Variants in EYA1 observed in about 807,000 individuals in gnomAD.
EYA1 encodes EYA transcriptional coactivator and phosphatase 1.
Under a neutral mutation model 82.0 loss-of-function variants are expected in EYA1, and 16 were observed. The observed-to-expected ratio is 0.20, with a 90% CI of 0.13 to 0.30. The LOEUF (loss-of-function observed/expected upper bound fraction) is 0.30, where lower values mean the gene tolerates loss of function less well. Ranked by LOEUF, EYA1 falls within the 10% of genes least tolerant of loss-of-function variation. The pLI is 1.00. For missense variants in EYA1, 633 were observed against 730.7 expected, an observed-to-expected ratio of 0.87 and a Z score of 1.54; for synonymous variants, 261 against 264.4, an observed-to-expected ratio of 0.99 and a Z score of 0.12.
intron 12 of EYA1, among the ~76,000 whole-genome samples, chr8:71,231,837 A>C (rs1585894740): frequency 2.6e-5 from 4 of 152,282 alleles, no homozygotes; most frequent in Admixed American, 2.6e-4. Context: ...CAACATTTCC[A>C]AAATAGATTT....
intron 2 of EYA1, among the ~76,000 whole-genome samples, chr8:71,425,094 A>C (rs1249336633): frequency 2.3e-5 from 3 of 128,872 alleles, no homozygotes; most frequent in Admixed American, 8.2e-5. Context: ...CCCTGTCTCC[A>C]CTAAAAATAC....
intron 17 of EYA1, among the ~76,000 whole-genome samples, chr8:71,207,377 AGAAAG>A (rs1475177109): frequency 1.3e-5 from 2 of 152,214 alleles, no homozygotes; most frequent in African/African-American, 4.8e-5. Flanking sequence ...TTAGAAAATA[AGAAAG>A]GAATGTTCAA....
At chr8:71,392,430 T>C (rs1386829153) in intron 2 of EYA1, among the ~76,000 whole-genome samples, 2 of 152,172 alleles carry the variant, frequency 1.3e-5, no homozygotes, top group Non-Finnish European at 2.9e-5. Context: ...GGCTTACTCC[T>C]ATATAAGTTG....
chr8:71,233,946 G>A (rs1045300915), intron 12 of EYA1, among the ~76,000 whole-genome samples: 1 of 152,204 alleles, frequency 6.6e-6, no homozygotes, highest in African/African-American at 2.4e-5. Flanking sequence ...GACAAATCCT[G>A]ATTCCTGGCC....
chr8:71,394,972 C>A (rs544364371), intron 2 of EYA1, among the ~76,000 whole-genome samples: 1 of 152,206 alleles, frequency 6.6e-6, no homozygotes, highest in Non-Finnish European at 1.5e-5. Flanking sequence ...TTTCGTTGAG[C>A]AGTGGTTTGT....
chr8:71,495,289 C>G lies in EYA1; in HGVS notation c.33+40455G>C, dbSNP rs554148262. On this transcript the variant is annotated intron_variant, in intron 2 of 18. Transcript: ENST00000643681. The stretch of plus-strand genomic sequence containing the variant: ...CAGCAAATGAACTGTGGTAATAGTT[C>G]TAATTTGATGTGAAATTCATTTAGG... Among the ~76,000 whole-genome samples the G allele has an allele frequency of 7.9e-5, 12 of 152,266 alleles. No homozygotes were observed. In the South Asian group the frequency reaches 2.5e-3, roughly 32 times the overall value.
intron 2 of EYA1, among the ~76,000 whole-genome samples, chr8:71,487,308 A>C (rs548797099): frequency 2.0e-5 from 3 of 152,136 alleles, no homozygotes; most frequent in Non-Finnish European, 4.4e-5. Flanking sequence ...TCATCTGTAA[A>C]ATGAGGGGTT....
chr8:71,255,785 G>C (rs1240578629), intron 11 of EYA1, among the ~76,000 whole-genome samples: 1 of 152,004 alleles, frequency 6.6e-6, no homozygotes, highest in Admixed American at 6.5e-5. Context: ...GAAAAGGCAG[G>C]CCACGGAATG....
At chr8:71,341,815 G>T (rs977543615) in intron 3 of EYA1, among the ~76,000 whole-genome samples, 7 of 152,128 alleles carry the variant, frequency 4.6e-5, no homozygotes, top group Non-Finnish European at 8.8e-5. Flanking sequence ...AACACATCCA[G>T]ACTAAACTTG....
At chr8:71,376,912 G>A (rs1162045490) in intron 2 of EYA1, among the ~76,000 whole-genome samples, 4 of 151,970 alleles carry the variant, frequency 2.6e-5, no homozygotes, top group African/African-American at 9.7e-5. Flanking sequence ...AGAAGCCTCC[G>A]TTCTGTCATT....
chr8:71,276,058 T>G (rs1189160098), intron 9 of EYA1, among the ~76,000 whole-genome samples: 2 of 152,242 alleles, frequency 1.3e-5, no homozygotes, highest in African/African-American at 4.8e-5. Flanking sequence ...AAGATACAGA[T>G]TTTGCATCAG....
At chr8:71,241,146 C>T (rs1812439809) in intron 12 of EYA1, among the ~76,000 whole-genome samples, 1 of 152,124 alleles carries the variant, frequency 6.6e-6, no homozygotes, top group Non-Finnish European at 1.5e-5. Context: ...ATTATGTCTC[C>T]CTGTCACTCA....
chr8:71,544,244 A>C (rs1815370737), intron 1 of EYA1, among the ~76,000 whole-genome samples: 1 of 152,190 alleles, frequency 6.6e-6, no homozygotes, highest in Admixed American at 6.5e-5. Context: ...GGGTGGTATA[A>C]GGTGATAGAA....
chr8:71,235,203 T>G (rs2128888770), intron 12 of EYA1, among the ~76,000 whole-genome samples: 1 of 152,172 alleles, frequency 6.6e-6, no homozygotes, highest in Admixed American at 6.5e-5. Flanking sequence ...ATAACCAGAC[T>G]GATGTTTTAA....
intron 17 of EYA1, among the ~76,000 whole-genome samples, chr8:71,210,858 G>T (rs1808421029): frequency 6.6e-6 from 1 of 152,226 alleles, no homozygotes; most frequent in South Asian, 2.1e-4. Flanking sequence ...AAAAGGTCCT[G>T]CTGGCACATG....
At chr8:71,362,155 CTTTTTTTTTT>C (rs35320129), upstream of EYA1, 10 of 824,624 alleles carry the variant, frequency 1.2e-5, no homozygotes, top group East Asian at 1.9e-4. Flanking sequence ...TCGGGGCTTT[CTTTTTTTTTT>C]TTTTTTTTTT....
chr8:71,340,969 T>G (rs554908104), intron 3 of EYA1, among the ~76,000 whole-genome samples: 8 of 152,342 alleles, frequency 5.3e-5, no homozygotes, highest in African/African-American at 1.7e-4. Flanking sequence ...AAAAACAAGA[T>G]GACAGTTTAT....
chr8:71,199,178 T>G lies in EYA1; in HGVS notation c.*162A>C, dbSNP rs1667798689. ...AGCTGTTCTGATGAAATAGACGTGG[T>G]CCTCCATTCACCACAAAGGCAGAGG... On this transcript the variant is annotated 3_prime_UTR_variant, in exon 18 of 18. Transcript: ENST00000340726. 1 of 682,582 alleles carries G rather than the reference T, an allele frequency of 1.5e-6. No homozygotes were observed. Among genetic ancestry groups the G allele is most frequent in the Non-Finnish European group, 2.7e-6 (1 of 373,866 alleles). 42.3% of individuals were successfully genotyped at this position (682,582 alleles called of 1,614,324 possible). A position where few individuals can be genotyped will look rare whatever the true frequency, so the allele number is the denominator to read the frequency against.
chr8:71,378,595 A>T (rs1363966892), intron 2 of EYA1, among the ~76,000 whole-genome samples: 5 of 152,218 alleles, frequency 3.3e-5, no homozygotes, highest in Non-Finnish European at 7.3e-5. Context: ...GGAAGTATAT[A>T]TGGGTTATAC....
Sources: allele counts gnomAD v4.1 joint callset (sites outside exome capture counted in the v4.1 genomes callset), GRCh38; gene constraint gnomAD v4.1.1; transcripts MANE v1.5; gene names NCBI Gene and HGNC (gene_info 2026-07-23, HGNC 2026-07-21).